MACROD2: variants seen among roughly 807,000 people sequenced by gnomAD.
MACROD2 encodes ADP-ribose glycohydrolase MACROD2.
Under a neutral mutation model 70.4 loss-of-function variants are expected in MACROD2, and 36 were observed. The ratio of observed to expected loss-of-function variants is 0.51; its 90% CI spans 0.39 to 0.68. MACROD2 has a LOEUF of 0.68. Among genes scored for constraint, MACROD2 ranks in the 30% least tolerant of loss-of-function variants. The pLI is 0.00. For missense variants in MACROD2, 496 were observed against 538.4 expected (o/e 0.92, Z 0.78); for synonymous variants, 172 against 178.8 (o/e 0.96, Z 0.30).
chr20:15,509,898 A>G (rs140084707), intron 8 of MACROD2, among the ~76,000 whole-genome samples: 1 of 152,344 alleles, frequency 6.6e-6, no homozygotes, highest in East Asian at 1.9e-4. Context: ...CCATGTCTTC[A>G]TAGCACAATC....
intron 15 of MACROD2, among the ~76,000 whole-genome samples, chr20:15,997,888 T>A (rs1338121298): frequency 6.6e-6 from 1 of 152,152 alleles, no homozygotes; most frequent in Non-Finnish European, 1.5e-5. Context: ...TGTTGAGTGT[T>A]TTTTTTCCTA....
chr20:14,677,307 A>G (rs1369092025), intron 4 of MACROD2, among the ~76,000 whole-genome samples: 1 of 152,232 alleles, frequency 6.6e-6, no homozygotes, highest in Non-Finnish European at 1.5e-5. Context: ...TCTAAGCTCC[A>G]AGGTAATATG....
intron 8 of MACROD2, among the ~76,000 whole-genome samples, chr20:15,714,153 A>G (rs1046094408): frequency 2.6e-5 from 4 of 152,168 alleles, no homozygotes; most frequent in African/African-American, 9.7e-5. Context: ...ACAAGCAAAC[A>G]AAAACCAGTC....
chr20:15,022,837 T>C (rs756273486), intron 5 of MACROD2: 1 of 152,214 alleles, frequency 6.6e-6, no homozygotes, highest in Admixed American at 6.6e-5. Flanking sequence ...ACTTCTGATA[T>C]TTATATGGTC....
At chr20:14,755,429 A>ATGTT (rs1403016952) in intron 5 of MACROD2, among the ~76,000 whole-genome samples, 10 of 152,060 alleles carry the variant, frequency 6.6e-5, no homozygotes, top group Non-Finnish European at 1.3e-4. Context: ...AGTGCCTAAC[A>ATGTT]ACTTCTTATT....
intron 2 of MACROD2, among the ~76,000 whole-genome samples, chr20:14,037,380 A>T (rs2053326980): frequency 1.3e-5 from 2 of 152,250 alleles, no homozygotes; most frequent in African/African-American, 4.8e-5. Context: ...GTAATTAATA[A>T]AGCCTTCTTT....
chr20:16,027,553 T>A (rs1002051985), intron 15 of MACROD2, among the ~76,000 whole-genome samples: 2 of 152,152 alleles, frequency 1.3e-5, no homozygotes, highest in African/African-American at 2.4e-5. Context: ...TATGATGAAG[T>A]TTCAAAGAAT....
chr20:15,153,808 T>G (rs2076288168), intron 5 of MACROD2, among the ~76,000 whole-genome samples: 1 of 152,164 alleles, frequency 6.6e-6, no homozygotes, highest in Non-Finnish European at 1.5e-5. Flanking sequence ...GGTCACATCT[T>G]GTTTCTTTAT....
chr20:15,798,176 T>C (rs1434964025), intron 8 of MACROD2, among the ~76,000 whole-genome samples: 5 of 152,232 alleles, frequency 3.3e-5, no homozygotes, highest in African/African-American at 1.2e-4. Flanking sequence ...ATTATTCCAC[T>C]TTATGTTCAT....
intron 5 of MACROD2, among the ~76,000 whole-genome samples, chr20:15,013,378 A>G (rs1327329820): frequency 1.3e-5 from 2 of 152,122 alleles, no homozygotes; most frequent in African/African-American, 2.4e-5. Flanking sequence ...TGGGCATGGT[A>G]GACACTGTGA....
chr20:14,621,950 T>G (rs1464472268), intron 4 of MACROD2: 1 of 152,090 alleles, frequency 6.6e-6, no homozygotes, highest in African/African-American at 2.4e-5. Context: ...ACAAAATAAT[T>G]TAACATTTGC....
intron 6 of MACROD2, among the ~76,000 whole-genome samples, chr20:15,411,212 C>G (rs568654712): frequency 7.3e-4 from 110 of 150,210 alleles, no homozygotes; most frequent in Non-Finnish European, 1.2e-3. Flanking sequence ...GATTTTTAAG[C>G]TACCAACACA....
At chr20:15,173,789 C>A (rs905489251) in intron 5 of MACROD2, among the ~76,000 whole-genome samples, 1 of 152,140 alleles carries the variant, frequency 6.6e-6, no homozygotes, top group Non-Finnish European at 1.5e-5. Context: ...TTGAAGCACT[C>A]ATAAGGAGTC....
At chr20:15,330,588 C>A (rs1758468742) in intron 6 of MACROD2, among the ~76,000 whole-genome samples, 1 of 151,550 alleles carries the variant, frequency 6.6e-6, no homozygotes, top group African/African-American at 2.4e-5. Context: ...ATTTCAAGTT[C>A]TATTTCTAGT....
intron 5 of MACROD2, among the ~76,000 whole-genome samples, chr20:14,912,609 G>A (rs1263267934): frequency 6.6e-6 from 1 of 152,058 alleles, no homozygotes; most frequent in Non-Finnish European, 1.5e-5. Context: ...AATCATTGGA[G>A]GTGAATTGCG....
chr20:16,020,374 GAA>G (rs2066985060), intron 15 of MACROD2, among the ~76,000 whole-genome samples: 1 of 151,758 alleles, frequency 6.6e-6, no homozygotes. Flanking sequence ...ACTTTGTCTG[GAA>G]ATATCTCCCT....
At chr20:15,835,063 CA>C (rs1568587549) in intron 8 of MACROD2, among the ~76,000 whole-genome samples, 1 of 152,204 alleles carries the variant, frequency 6.6e-6, no homozygotes, top group East Asian at 1.9e-4. Context: ...CAGACAATCT[CA>C]ATTGGAGAGG....
intron 3 of MACROD2, among the ~76,000 whole-genome samples, chr20:14,467,740 G>C (rs2084474509): frequency 2.6e-5 from 4 of 152,068 alleles, no homozygotes; most frequent in African/African-American, 9.7e-5. Context: ...ATTCTCCTGT[G>C]GGCATTTAGT....
At chr20:15,448,973 C>T (rs1170371473) in intron 7 of MACROD2, among the ~76,000 whole-genome samples, 1 of 152,090 alleles carries the variant, frequency 6.6e-6, no homozygotes, top group Non-Finnish European at 1.5e-5. Flanking sequence ...TAACTCAGAG[C>T]AGATAATCAA....
Sources: allele counts gnomAD v4.1 joint callset (sites outside exome capture counted in the v4.1 genomes callset), GRCh38; gene constraint gnomAD v4.1.1; transcripts MANE v1.5; gene names NCBI Gene and HGNC (gene_info 2026-07-23, HGNC 2026-07-21).